The following EPB41L4B variants were observed in gnomAD, a reference collection of about 807,000 sequenced individuals.
The protein encoded by EPB41L4B is band 4.1-like protein 4B.
A neutral mutation model predicts 112.5 loss-of-function variants in EPB41L4B; 30 were observed. That is an observed-to-expected ratio of 0.27 (90% CI 0.20 to 0.36). The LOEUF (loss-of-function observed/expected upper bound fraction) is 0.36, where lower values mean the gene tolerates loss of function less well. Ranked by LOEUF, EPB41L4B falls within the 10% of genes least tolerant of loss-of-function variation. The pLI, the probability that EPB41L4B is intolerant of heterozygous loss-of-function variation, is 1.00. For synonymous variants in EPB41L4B, 408 were observed against 439.7 expected (o/e 0.93, Z 0.90); for missense variants, 1,024 against 1,133.3 (o/e 0.90, Z 1.38).
intron 18 of EPB41L4B, among the ~76,000 whole-genome samples, chr9:109,206,444 A>G (rs1415470355): frequency 2.0e-5 from 3 of 152,230 alleles, no homozygotes; most frequent in Admixed American, 6.5e-5. Context: ...TGGCCTTCCA[A>G]TGTGCTGAGG....
intron 1 of EPB41L4B, among the ~76,000 whole-genome samples, chr9:109,303,588 A>G (rs1431732779): frequency 6.6e-6 from 1 of 152,146 alleles, no homozygotes; most frequent in Non-Finnish European, 1.5e-5. Flanking sequence ...CCCAGGCTTA[A>G]GCAATCCACC....
rs182211731 is a variant in EPB41L4B, at chr9:109,279,900, A to G, written c.328T>C (p.Leu110=). The G allele has an allele frequency of 4.6e-5, 75 of 1,613,980 alleles. No homozygotes were observed. In the Admixed American group the frequency reaches 1.0e-3, roughly 22 times the overall value. ...DLPKHAKGQD[L]FDQIVYHLDL... ...AAGTGGTACACAATCTGATCAAACA[A>G]ATCCTGGCCTTTGGCATGTTTCTGG... The change falls in exon 2 of 26, where the codon TTG becomes CTG. Residue 110 remains leucine (L), a synonymous_variant. Transcript: ENST00000374566.
At position 109,232,767 on chromosome 9, in the gene EPB41L4B, G is replaced by T. The variant is rs530102360; in HGVS notation, c.1409+10851C>A. On this transcript the variant is annotated intron_variant, in intron 15 of 25. Coordinates refer to ENST00000374566, the MANE Select transcript of EPB41L4B (RefSeq NM_019114.5). The stretch of plus-strand genomic sequence containing the variant: ...AGAGTTGGAGCTGAACACTGGGTAC[G>T]TGTTTCTAGGGTGATACAGATGAGG... Among the ~76,000 whole-genome samples the T allele has an allele frequency of 8.5e-5, 13 of 152,318 alleles. No individual in the cohort carries two copies. The South Asian group carries it at 2.5e-3, about 29-fold the overall frequency.
In EPB41L4B at chr9:109,279,908, C is replaced by A; in HGVS notation, c.320G>T (p.Gly107Val). Residue 107 changes from glycine to valine, a missense_variant, in exon 2 of 26, where the codon GGC (glycine) becomes GTC (valine). Physicochemically the swap from Gly to Val is moderately radical, Grantham distance 109 (BLOSUM62 -3). Transcript: ENST00000374566. Reference sequence around the variant, plus strand: ...CACAATCTGATCAAACAAATCCTGGCCTTTGGCATGTTTCTGGAAGACAAT... The same window carrying A: ...CACAATCTGATCAAACAAATCCTGGACTTTGGCATGTTTCTGGAAGACAAT... Reference protein sequence around the residue: ...VSVDLPKHAKGQDLFDQIVYH... With the variant: ...VSVDLPKHAKVQDLFDQIVYH... 6.2e-7 allele frequency: 1 copy of A among 1,613,558 alleles called. No homozygotes were observed. Among genetic ancestry groups the A allele is most frequent in the Non-Finnish European group, 8.5e-7 (1 of 1,179,834 alleles).
intron 1 of EPB41L4B, among the ~76,000 whole-genome samples, chr9:109,284,602 G>A (rs1202171876): frequency 1.3e-5 from 2 of 152,110 alleles, no homozygotes; most frequent in East Asian, 1.9e-4. Flanking sequence ...TTGTAGAGGC[G>A]GGGTCTTGCT....
Position 109,255,124 on chromosome 9 carries a change from T to C in EPB41L4B, c.1169+387A>G, listed in dbSNP as rs555980669. On this transcript the variant is annotated intron_variant, in intron 11 of 25. Transcript: ENST00000374566. Reference sequence around the variant, plus strand: ...AACTTTCCAAAATGATCCTGTGTCCTGTGTCTATATTGTCTAATATGGTAG... The same window carrying C: ...AACTTTCCAAAATGATCCTGTGTCCCGTGTCTATATTGTCTAATATGGTAG... 1.1e-4 allele frequency among the ~76,000 whole-genome samples: 16 copies of C among 152,354 alleles called. No individual in the cohort carries two copies. In the East Asian group the frequency reaches 2.9e-3, roughly 28 times the overall value.
chr9:109,289,226 A>G (rs1257195724), intron 1 of EPB41L4B, among the ~76,000 whole-genome samples: 2 of 152,138 alleles, frequency 1.3e-5, no homozygotes, highest in Admixed American at 1.3e-4. Flanking sequence ...CATGTACCCT[A>G]GGCTCCGGTC....
intron 19 of EPB41L4B, among the ~76,000 whole-genome samples, chr9:109,202,573 T>A (rs905712322): frequency 1.3e-5 from 2 of 152,096 alleles, no homozygotes; most frequent in African/African-American, 4.8e-5. Flanking sequence ...CCTGCTGGTG[T>A]TAGTAAACCA....
At chr9:109,181,375 T>C (rs1832045678) in intron 24 of EPB41L4B, among the ~76,000 whole-genome samples, 1 of 152,148 alleles carries the variant, frequency 6.6e-6, no homozygotes, top group Non-Finnish European at 1.5e-5. Context: ...GGGTGACTGG[T>C]TCTTGTTCAT....
intron 7 of EPB41L4B, among the ~76,000 whole-genome samples, chr9:109,257,439 C>A (rs1027543319): frequency 3.9e-5 from 6 of 152,144 alleles, no homozygotes; most frequent in African/African-American, 1.2e-4. Flanking sequence ...GATGATCACA[C>A]TTCCTGAAAT....
At chr9:109,205,068 A>C (rs112221818) in intron 18 of EPB41L4B, among the ~76,000 whole-genome samples, 77 of 152,322 alleles carry the variant, frequency 5.1e-4, no homozygotes, top group African/African-American at 1.8e-3. Context: ...TAGGTGTGAA[A>C]GAAAGTAAAA....
chr9:109,243,646 G>A lies in EPB41L4B; in HGVS notation c.1381C>T (p.Arg461Trp), dbSNP rs201648629. 34 of 1,614,186 alleles carry A rather than the reference G, an allele frequency of 2.1e-5. No individual in the cohort carries two copies. Among genetic ancestry groups the A allele is most frequent in the Non-Finnish European group, 2.3e-5 (27 of 1,180,006 alleles). ...ACATTTGGAGAGTGAGGATGCCACC[G>A]GGGCTGGCTGGGATGGATATTAGGA... Reference protein sequence around the residue: ...YHPNIHPSQPRWHPHSPNVSY... With the variant: ...YHPNIHPSQPWWHPHSPNVSY... The change falls in exon 15 of 26, where the codon CGG becomes TGG. Residue 461 changes from arginine (R) to tryptophan (W), a missense_variant. Transcript: ENST00000374566.
chr9:109,183,126 CA>C (rs1263743338), intron 23 of EPB41L4B, among the ~76,000 whole-genome samples: 1 of 152,150 alleles, frequency 6.6e-6, no homozygotes, highest in East Asian at 1.9e-4. Flanking sequence ...TAAAAAGCCA[CA>C]ATCAAGGTGG....
At chr9:109,287,789 A>G (rs1836353690) in intron 1 of EPB41L4B, among the ~76,000 whole-genome samples, 1 of 152,064 alleles carries the variant, frequency 6.6e-6, no homozygotes, top group Non-Finnish European at 1.5e-5. Flanking sequence ...GTACTCCACT[A>G]TGGGGTCCCA....
Position 109,192,315 on chromosome 9 carries a change from C to G in EPB41L4B, c.2264G>C (p.Gly755Ala), listed in dbSNP as rs368838705. The G allele has an allele frequency of 3.1e-6, 5 of 1,612,162 alleles. No individual in the cohort carries two copies. Among genetic ancestry groups the G allele is most frequent in the Non-Finnish European group, 4.2e-6 (5 of 1,179,260 alleles). ...TTCTGTGAAATCCATCAGAAGATCACCCGGCTCCAGGGTAAAGGCACCTCC... is the reference window on the plus strand; with the variant it reads ...TTCTGTGAAATCCATCAGAAGATCAGCCGGCTCCAGGGTAAAGGCACCTCC... ...DRGGAFTLEP[G>A]DLLMDFTEAT... Residue 755 changes from glycine to alanine, a missense_variant, in exon 22 of 26, where the codon GGT (glycine) becomes GCT (alanine). Physicochemically the swap from Gly to Ala is moderately conservative, Grantham distance 60. Coordinates refer to ENST00000374566, the MANE Select transcript of EPB41L4B (RefSeq NM_019114.5).
intron 14 of EPB41L4B, among the ~76,000 whole-genome samples, chr9:109,243,945 G>C (rs1163759207): frequency 6.6e-6 from 1 of 152,184 alleles, no homozygotes; most frequent in Non-Finnish European, 1.5e-5. Context: ...CCCTTAGAAG[G>C]TGACAACACC....
At position 109,259,422 on chromosome 9, in the gene EPB41L4B, T is replaced by C. The variant is rs552277974; in HGVS notation, c.632-1125A>G. ...CTAACAAGTCCCCATGTGATGCTAA[T>C]GTGGCGACCCTGGAAAACACTTTAA... On this transcript the variant is annotated intron_variant, in intron 6 of 25. Coordinates refer to ENST00000374566, the MANE Select transcript of EPB41L4B (RefSeq NM_019114.5). Among the ~76,000 whole-genome samples the C allele has an allele frequency of 5.9e-5, 9 of 152,314 alleles. No homozygotes were observed. In the South Asian group the frequency reaches 1.4e-3, roughly 25 times the overall value.
At chr9:109,272,366 G>A (rs748924279) in intron 2 of EPB41L4B, among the ~76,000 whole-genome samples, 7 of 152,156 alleles carry the variant, frequency 4.6e-5, no homozygotes, top group Non-Finnish European at 8.8e-5. Context: ...GGAGGCTGAG[G>A]TGGGAGAATC....
intron 22 of EPB41L4B, among the ~76,000 whole-genome samples, chr9:109,186,450 G>T (rs527527504): frequency 1.3e-5 from 2 of 151,604 alleles, no homozygotes; most frequent in Admixed American, 6.6e-5. Context: ...GCCTCCCAAA[G>T]TGTTGGGATT....
Sources: gnomAD v4.1 joint callset for allele counts (sites outside exome capture counted in the v4.1 genomes callset) on GRCh38, gnomAD v4.1.1 for gene constraint, MANE v1.5 for transcripts, NCBI Gene and HGNC (gene_info 2026-07-23, HGNC 2026-07-21) for gene names.